Variants in KDM4C observed in about 807,000 individuals in gnomAD.
KDM4C encodes lysine demethylase 4C.
Under a neutral mutation model 129.3 loss-of-function variants are expected in KDM4C, and 81 were observed. The ratio of observed to expected loss-of-function variants is 0.63; its 90% CI spans 0.52 to 0.75. The LOEUF is 0.75. Ranked by LOEUF, KDM4C falls within the 30% of genes least tolerant of loss-of-function variation. The pLI, the probability that KDM4C is intolerant of heterozygous loss-of-function variation, is 0.00. For missense variants in KDM4C, 1,457 were observed against 1,304.0 expected, an observed-to-expected ratio of 1.12 and a Z score of -1.81; for synonymous variants, 573 against 456.1, an observed-to-expected ratio of 1.26 and a Z score of -3.26.
At position 7,103,785 on chromosome 9, in the gene KDM4C, A is replaced by G; in HGVS notation, c.2525A>G (p.His842Arg). 2 of 1,613,996 alleles carry G rather than the reference A, an allele frequency of 1.2e-6. No homozygotes were observed. The highest frequency in any genetic ancestry group is 1.1e-5 in the South Asian group (1 of 91,074). The change falls in exon 18 of 22, where the codon CAT becomes CGT. Residue 842 changes from histidine (H) to arginine (R), a missense_variant. Transcript: ENST00000381309. ...CPASFHVTCA[H>R]AAGVLMEPDD... The stretch of plus-strand genomic sequence containing the variant: ...GCCTCCTTCCATGTCACTTGTGCCC[A>G]TGCTGCTGGGGTACTGATGGAGCCT...
rs59463106 is a variant in KDM4C at position 6,721,586 on chromosome 9, C to CT, written c.49+606dup. ...GGCATGAGCCACCATGCCCGGCCCTCTTTTTTTTTTTTTTTTTCCTGAGAC... is the reference window on the plus strand; with the variant it reads ...GGCATGAGCCACCATGCCCGGCCCTCTTTTTTTTTTTTTTTTTTCCTGAGAC... On this transcript the variant is annotated intron_variant, in intron 1 of 17. Coordinates refer to the KDM4C transcript ENST00000536108. Among the ~76,000 whole-genome samples the CT allele has an allele frequency of 1.4e-3, 176 of 127,254 alleles. 1 individual carries two copies. The highest frequency in any genetic ancestry group is 9.3e-3 in the Middle Eastern group (2 of 216). 83.5% of individuals were successfully genotyped at this position (127,254 alleles called of 152,430 possible).
intron 11 of KDM4C, 186 bp downstream of exon 11, chr9:6,986,852 GATAA>G (rs1207396743): frequency 2.0e-5 from 10 of 512,694 alleles, no homozygotes; most frequent in African/African-American, 1.1e-4. Context: ...CTCACATAGT[GATAA>G]TTTAGCACAT....
chr9:7,069,110 G>C (rs1030302533), intron 17 of KDM4C, among the ~76,000 whole-genome samples: 1 of 152,102 alleles, frequency 6.6e-6, no homozygotes, highest in Non-Finnish European at 1.5e-5. Context: ...TGAGTGGCAA[G>C]TAAGATTCAG....
At chr9:7,159,640 A>G (rs955882857) in intron 19 of KDM4C, among the ~76,000 whole-genome samples, 1 of 152,180 alleles carries the variant, frequency 6.6e-6, no homozygotes, top group African/African-American at 2.4e-5. Context: ...TCTTTTCTTT[A>G]GGAATGTTGA....
At chr9:7,120,493 G>T (rs1839375873) in intron 18 of KDM4C, among the ~76,000 whole-genome samples, 1 of 152,108 alleles carries the variant, frequency 6.6e-6, no homozygotes, top group African/African-American at 2.4e-5. Flanking sequence ...TCCCTTAGAG[G>T]TGGCTTAGTA....
chr9:6,731,990 C>T (rs1817350881), intron 1 of KDM4C, among the ~76,000 whole-genome samples: 2 of 152,036 alleles, frequency 1.3e-5, no homozygotes, highest in Non-Finnish European at 1.5e-5. Context: ...TCATCACTAT[C>T]AGGAGGATAA....
chr9:7,058,168 G>A (rs1473362792), intron 17 of KDM4C, among the ~76,000 whole-genome samples: 4 of 152,208 alleles, frequency 2.6e-5, no homozygotes, highest in Admixed American at 2.6e-4. Flanking sequence ...GAAGAGTTCA[G>A]TCTCTGCTAT....
chr9:6,763,355 A>G (rs149126657), intron 1 of KDM4C, among the ~76,000 whole-genome samples: 188 of 152,212 alleles, frequency 1.2e-3, no homozygotes, highest in Non-Finnish European at 2.1e-3. Flanking sequence ...ATTCCATCTC[A>G]TTCTTCAGGA....
chr9:6,938,922 T>G (rs1210230145), intron 8 of KDM4C, among the ~76,000 whole-genome samples: 1 of 152,136 alleles, frequency 6.6e-6, no homozygotes, highest in African/African-American at 2.4e-5. Flanking sequence ...TGCATAGACC[T>G]GTTACTCAAA....
chr9:7,054,058 GA>G (rs1830555094), intron 17 of KDM4C, among the ~76,000 whole-genome samples: 1 of 152,204 alleles, frequency 6.6e-6, no homozygotes, highest in African/African-American at 2.4e-5. Flanking sequence ...TACTGTATGG[GA>G]AAAGTTATCC....
At chr9:6,821,492 T>C (rs191944712) in intron 4 of KDM4C, among the ~76,000 whole-genome samples, 4 of 152,344 alleles carry the variant, frequency 2.6e-5, no homozygotes, top group South Asian at 4.1e-4. Flanking sequence ...CATTTTTTCT[T>C]GTGTCTGTTG....
chr9:7,082,165 G>A (rs189081198), intron 17 of KDM4C, among the ~76,000 whole-genome samples: 1 of 126,368 alleles, frequency 7.9e-6, no homozygotes, highest in East Asian at 2.1e-4. Context: ...CTCACATGGG[G>A]CCTGAGTTTA....
intron 1 of KDM4C, among the ~76,000 whole-genome samples, chr9:6,721,541 C>G (rs1435736313): frequency 6.6e-6 from 1 of 151,470 alleles, no homozygotes; most frequent in East Asian, 1.9e-4. Context: ...GTCTCGGCCT[C>G]CCAAAGTGCT....
intron 8 of KDM4C, among the ~76,000 whole-genome samples, chr9:6,956,087 T>C (rs755722341): frequency 6.6e-6 from 1 of 152,082 alleles, no homozygotes; most frequent in Non-Finnish European, 1.5e-5. Flanking sequence ...GAAGGATGGT[T>C]ACCAGAGGCT....
intron 15 of KDM4C, among the ~76,000 whole-genome samples, chr9:7,019,617 A>G (rs1207330392): frequency 3.3e-5 from 5 of 149,720 alleles, no homozygotes; most frequent in Non-Finnish European, 5.9e-5. Context: ...TTCATTTTTT[A>G]TGAGGTATAT....
chr9:6,736,641 A>G (rs1817536086), intron 1 of KDM4C, among the ~76,000 whole-genome samples: 1 of 152,200 alleles, frequency 6.6e-6, no homozygotes, highest in South Asian at 2.1e-4. Context: ...AAGTCAGACT[A>G]TCTCTGTTGT....
At chr9:7,091,420 T>G (rs1017420356) in intron 17 of KDM4C, among the ~76,000 whole-genome samples, 2 of 152,164 alleles carry the variant, frequency 1.3e-5, no homozygotes, top group African/African-American at 4.8e-5. Flanking sequence ...ACTAAAACAC[T>G]TTATACTTAA....
At chr9:7,144,685 G>T (rs1259754403) in intron 19 of KDM4C, among the ~76,000 whole-genome samples, 1 of 152,222 alleles carries the variant, frequency 6.6e-6, no homozygotes, top group Non-Finnish European at 1.5e-5. Context: ...GATTCCTGGC[G>T]TGGAGCACCA....
intron 17 of KDM4C, among the ~76,000 whole-genome samples, chr9:7,074,193 T>C (rs1032651346): frequency 1.3e-5 from 2 of 152,130 alleles, no homozygotes; most frequent in African/African-American, 4.8e-5. Context: ...AGTTGGAGTT[T>C]CGCTCTGTCA....
Sources: allele counts gnomAD v4.1 joint callset (sites outside exome capture counted in the v4.1 genomes callset), GRCh38; gene constraint gnomAD v4.1.1; transcripts MANE v1.5; gene names NCBI Gene and HGNC (gene_info 2026-07-23, HGNC 2026-07-21).